ANKRD11: variants seen among roughly 807,000 people sequenced by gnomAD.
ANKRD11 encodes the protein ankyrin repeat domain 11, also known as ankyrin repeat domain-containing protein 11.
Under a neutral mutation model 195.7 loss-of-function variants are expected in ANKRD11, and 17 were observed. The observed-to-expected ratio is 0.09, with a 90% confidence interval of 0.06 to 0.13. The LOEUF (loss-of-function observed/expected upper bound fraction) is 0.13. ANKRD11 is among the 10% of genes least tolerant of loss of function. The pLI is 1.00. For synonymous variants in ANKRD11, 1,953 were observed against 1,528.1 expected (o/e 1.28, Z -6.49); for missense variants, 3,735 against 3,566.1 (o/e 1.05, Z -1.21).
chr16:89,467,816 G>GT (rs2056936473), intron 1 of ANKRD11, among the ~76,000 whole-genome samples: 1 of 152,010 alleles, frequency 6.6e-6, no homozygotes, highest in Non-Finnish European at 1.5e-5. Context: ...TTGTTTGTTT[G>GT]TTGAGACAAT....
At chr16:89,439,198 A>G (rs1045388479) in intron 1 of ANKRD11, among the ~76,000 whole-genome samples, 1 of 152,184 alleles carries the variant, frequency 6.6e-6, no homozygotes, top group African/African-American at 2.4e-5. Context: ...TGAAGGTTCA[A>G]GGAAGTCCCA....
At chr16:89,347,314 A>G (rs910078858) in intron 2 of ANKRD11, among the ~76,000 whole-genome samples, 16 of 152,120 alleles carry the variant, frequency 1.1e-4, no homozygotes, top group African/African-American at 3.9e-4. Flanking sequence ...GTACACATAA[A>G]AAGAGTTCCG....
In ANKRD11 at chr16:89,283,283, T is replaced by C. The variant is rs759221191; in HGVS notation, c.3259A>G (p.Lys1087Glu). 5 of 1,614,082 alleles carry C rather than the reference T, an allele frequency of 3.1e-6. No homozygotes were observed. The highest frequency in any genetic ancestry group is 2.2e-5 in the East Asian group (1 of 44,890). ...KASLDQGKEK[K>E]EKAFPGIISE... ...ATGATCCCAGGGAAAGCCTTCTCCT[T>C]CTTCTCTTTCCCTTGGTCGAGAGAC... The change falls in exon 9 of 13, where the codon AAG becomes GAG. Residue 1087 changes from lysine (K) to glutamate (E), a missense_variant. Transcript: ENST00000301030. This position sits in a 1 kb window ranked among gnomAD's most constrained non-coding sequence, Gnocchi z 4.3.
intron 2 of ANKRD11, among the ~76,000 whole-genome samples, chr16:89,363,382 G>A (rs912821759): frequency 3.9e-5 from 6 of 152,030 alleles, no homozygotes; most frequent in African/African-American, 1.4e-4. Flanking sequence ...GCTAAATGAC[G>A]AGTTAATGGG....
At chr16:89,433,468 T>C (rs1430371724) in intron 1 of ANKRD11, among the ~76,000 whole-genome samples, 2 of 152,180 alleles carry the variant, frequency 1.3e-5, no homozygotes, top group Admixed American at 1.3e-4. Flanking sequence ...AAACATACTA[T>C]TCAGAACAGA....
chr16:89,313,393 G>A (rs2036728676), intron 3 of ANKRD11: 6 of 1,286,206 alleles, frequency 4.7e-6, no homozygotes, highest in Admixed American at 2.3e-5. Context: ...CTGGGATTCC[G>A]TGGTCGGCAA....
intron 2 of ANKRD11, among the ~76,000 whole-genome samples, chr16:89,330,671 GGGGGC>G (rs1567658560): frequency 2.4e-4 from 12 of 50,934 alleles, no homozygotes; most frequent in Non-Finnish European, 3.6e-4. Context: ...GGGGGGGGGG[GGGGGC>G]GGGGGCGGAG....
chr16:89,357,908 A>C (rs989477614), intron 2 of ANKRD11, among the ~76,000 whole-genome samples: 4 of 152,250 alleles, frequency 2.6e-5, no homozygotes, highest in Non-Finnish European at 4.4e-5. Flanking sequence ...ATTTTTATTG[A>C]ACACTGGGAT....
chr16:89,439,830 C>T (rs2043368798), intron 1 of ANKRD11, among the ~76,000 whole-genome samples: 1 of 152,212 alleles, frequency 6.6e-6, no homozygotes. Flanking sequence ...TGATCACCAA[C>T]AGAGCCAGCT....
chr16:89,417,857 T>C (rs2042369389), intron 2 of ANKRD11, among the ~76,000 whole-genome samples: 1 of 151,430 alleles, frequency 6.6e-6, no homozygotes, highest in Non-Finnish European at 1.5e-5. Context: ...ACCAGGATCC[T>C]AACGAGCAGA....
intron 1 of ANKRD11, among the ~76,000 whole-genome samples, chr16:89,487,004 G>A (rs2057638700): frequency 1.6e-5 from 2 of 123,266 alleles, no homozygotes; most frequent in Non-Finnish European, 3.5e-5. Context: ...GCGAGACTCC[G>A]TCTCAAAAAA....
chr16:89,432,583 C>T (rs1366588395), intron 1 of ANKRD11, among the ~76,000 whole-genome samples: 2 of 152,178 alleles, frequency 1.3e-5, no homozygotes, highest in African/African-American at 4.8e-5. Flanking sequence ...CAGGTCTTGA[C>T]TTTCTTCCTT....
In ANKRD11 at chr16:89,276,336, C is replaced by T. The variant is rs374039379; in HGVS notation, c.7471-1145G>A. Among the ~76,000 whole-genome samples the T allele has an allele frequency of 2.0e-5, 3 of 152,182 alleles. No individual in the cohort carries two copies. The East Asian group carries it at 5.8e-4, about 29-fold the overall frequency. On this transcript the variant is annotated intron_variant, in intron 9 of 12. Coordinates refer to ENST00000301030, the MANE Select transcript of ANKRD11 (RefSeq NM_013275.6). The stretch of plus-strand genomic sequence containing the variant: ...TGCTGCAGACGAGAGCCGTGGACAG[C>T]GATGCGCATGGACAATGGGCTGAGA...
chr16:89,281,348 A>C lies in ANKRD11; in HGVS notation c.5194T>G (p.Tyr1732Asp). 1 of 1,612,026 alleles carries C rather than the reference A, an allele frequency of 6.2e-7. No individual in the cohort carries two copies. Among genetic ancestry groups the C allele is most frequent in the Non-Finnish European group, 8.5e-7 (1 of 1,178,388 alleles). The change falls in exon 9 of 13, where the codon TAC (tyrosine) becomes GAC (aspartate). Residue 1732 changes from tyrosine (Y) to aspartate (D), a missense_variant. Physicochemically the swap from Tyr to Asp is radical, Grantham distance 160 (BLOSUM62 -3). Coordinates refer to ENST00000301030, the MANE Select transcript of ANKRD11 (RefSeq NM_013275.6). The surrounding 1 kb of genome is among the most constrained non-coding windows in gnomAD (Gnocchi z 5.5). ...PRTPSCSADDYADLVFDCADS... is the reference protein window; with the variant it reads ...PRTPSCSADDDADLVFDCADS... ...GCGCAGTCGAACACGAGGTCCGCGT[A>C]GTCATCGGCGCTGCAGGACGGGGTC...
intron 2 of ANKRD11, among the ~76,000 whole-genome samples, chr16:89,399,685 C>T (rs2041612197): frequency 6.6e-6 from 1 of 152,250 alleles, no homozygotes; most frequent in Admixed American, 6.5e-5. Context: ...GTCTCCAGGG[C>T]GGTCGCGACT....
intron 3 of ANKRD11, among the ~76,000 whole-genome samples, chr16:89,309,468 C>G (rs2036490386): frequency 6.6e-6 from 1 of 152,336 alleles, no homozygotes; most frequent in East Asian, 1.9e-4. Context: ...AGATGAAATG[C>G]CAGCTATAAT....
chr16:89,472,043 G>C (rs976344602), intron 1 of ANKRD11, among the ~76,000 whole-genome samples: 1 of 152,070 alleles, frequency 6.6e-6, no homozygotes, highest in Non-Finnish European at 1.5e-5. Context: ...TGACCCTCAG[G>C]TGACTACTTT....
At position 89,282,526 on chromosome 16, in the gene ANKRD11, C is replaced by A; in HGVS notation, c.4016G>T (p.Cys1339Phe). ...PGDDKPRESA[C>F]LPEKLKEKER... ...CTTCTCTTTCAGCTTCTCAGGGAGG[C>A]AGGCGCTCTCCCTCGGCTTGTCGTC... is the stretch of plus-strand genomic sequence containing the variant. The change falls in exon 9 of 13, where the codon TGC (cysteine) becomes TTC (phenylalanine). Residue 1339 changes from cysteine (C) to phenylalanine (F), a missense_variant. Cys to Phe is a radical substitution (Grantham distance 205). Transcript: ENST00000301030. 2 of 1,614,066 alleles carry A rather than the reference C, an allele frequency of 1.2e-6. No homozygotes were observed. The highest frequency in any genetic ancestry group is 1.7e-6 in the Non-Finnish European group (2 of 1,179,986).
rs182583515 is a variant in ANKRD11 at position 89,470,577 on chromosome 16, G to T, written c.-145+19668C>A. Among the ~76,000 whole-genome samples, 1,387 of 152,300 alleles carry T rather than the reference G, an allele frequency of 9.1e-3. 17 individuals are homozygous for T. Among genetic ancestry groups the T allele is most frequent in the African/African-American group, 0.031 (1,302 of 41,574 alleles). On this transcript the variant is annotated intron_variant, in intron 1 of 12. Coordinates refer to ENST00000301030, the MANE Select transcript of ANKRD11 (RefSeq NM_013275.6). ...TCTCATGAAAGCAGCCAGGTGCGAT[G>T]GCTCACGCCTCTAATCCCAGCACTT...
Sources: allele counts gnomAD v4.1 joint callset (sites outside exome capture counted in the v4.1 genomes callset), GRCh38; gene constraint gnomAD v4.1.1; non-coding constraint Gnocchi (gnomAD v3.1); transcripts MANE v1.5; gene names NCBI Gene and HGNC (gene_info 2026-07-23, HGNC 2026-07-21).